Variants in TRPM1 observed in about 807,000 individuals in gnomAD.
TRPM1 encodes the protein transient receptor potential cation channel subfamily M member 1, also known as TRPM1-203 APA Isoform, Intron 10.
A neutral mutation model predicts 149.4 loss-of-function variants in TRPM1; 113 were observed. The ratio of observed to expected loss-of-function variants is 0.76; its 90% CI spans 0.65 to 0.88. The LOEUF is 0.88. Among genes scored for constraint, TRPM1 ranks in the 40% least tolerant of loss-of-function variants. TRPM1 has a pLI of 0.00. For missense variants in TRPM1, 1,976 were observed against 2,038.7 expected (o/e 0.97, Z 0.59); for synonymous variants, 741 against 759.5 (o/e 0.98, Z 0.40).
chr15:31,053,073 A>G (rs1240429936), intron 11 of TRPM1, among the ~76,000 whole-genome samples: 1 of 152,202 alleles, frequency 6.6e-6, no homozygotes, highest in Non-Finnish European at 1.5e-5. Context: ...TTCAACAACA[A>G]GAAAACCCAA....
intron 21 of TRPM1, among the ~76,000 whole-genome samples, chr15:31,034,021 G>T (rs1320417151): frequency 2.0e-5 from 3 of 152,170 alleles, no homozygotes; most frequent in African/African-American, 7.2e-5. Flanking sequence ...CAGTGAAAGG[G>T]TCAACAATTA....
intron 27 of TRPM1, among the ~76,000 whole-genome samples, chr15:31,010,321 A>G (rs2140876196): frequency 6.6e-6 from 1 of 152,304 alleles, no homozygotes; most frequent in East Asian, 1.9e-4. Context: ...GCAGCCCAGT[A>G]GTCAGTCTGG....
At chr15:31,045,876 A>T (rs562003199) in intron 16 of TRPM1, among the ~76,000 whole-genome samples, 1 of 152,260 alleles carries the variant, frequency 6.6e-6, no homozygotes, top group South Asian at 2.1e-4. Context: ...TTGATTTAGG[A>T]CTATGAAAAT....
chr15:31,066,779 T>G (rs181126206), intron 6 of TRPM1, among the ~76,000 whole-genome samples: 109 of 152,168 alleles, frequency 7.2e-4, no homozygotes, highest in African/African-American at 2.5e-3. Flanking sequence ...TTTCCAGGGG[T>G]TAAGGAAGAG....
At position 31,076,309 on chromosome 15, in the gene TRPM1, A is replaced by C. The variant is rs138057618; in HGVS notation, c.83+596T>G. Among the ~76,000 whole-genome samples the C allele has an allele frequency of 2.6e-4, 39 of 152,266 alleles. No homozygotes were observed. The East Asian group carries it at 7.3e-3, about 29-fold the overall frequency. On this transcript the variant is annotated intron_variant, in intron 3 of 27. Transcript: ENST00000256552. Reference sequence around the variant, plus strand: ...CCTGCATGAATTTCATATTGGACGAATGTATGGATAAATTGTTCCCCTTCC... The same window carrying C: ...CCTGCATGAATTTCATATTGGACGACTGTATGGATAAATTGTTCCCCTTCC...
Position 31,026,227 on chromosome 15 carries a change from C to G in TRPM1, c.3541G>C (p.Glu1181Gln). The change falls in exon 27 of 28, where the codon GAG (glutamate) becomes CAG (glutamine). Residue 1181 changes from glutamate to glutamine, a missense_variant. Around this residue, in one of 3 missense-constraint regions of TRPM1, gnomAD observed 572 missense variants for 578.9 expected, o/e 0.99. Transcript: ENST00000256552. The stretch of plus-strand genomic sequence containing the variant: ...AAGTGCTCCTGCACGCACTGCTCCT[C>G]GAACTCATGCAGCCTCTTTAGCTCC... ...DEELKRLHEF[E>Q]EQCVQEHFRE... The G allele has an allele frequency of 1.2e-6, 2 of 1,612,426 alleles. No individual in the cohort carries two copies. The highest frequency in any genetic ancestry group is 1.7e-6 in the Non-Finnish European group (2 of 1,180,030).
At chr15:31,148,929 C>G (rs1408816266) in intron 1 of TRPM1, among the ~76,000 whole-genome samples, 1 of 152,182 alleles carries the variant, frequency 6.6e-6, no homozygotes, top group Non-Finnish European at 1.5e-5. Flanking sequence ...CCTCCCCTCC[C>G]CGCAGTCCTG....
At chr15:31,098,738 G>A (rs2035448414) in intron 1 of TRPM1, among the ~76,000 whole-genome samples, 2 of 152,076 alleles carry the variant, frequency 1.3e-5, no homozygotes, top group Non-Finnish European at 2.9e-5. Context: ...GGCATTTCAG[G>A]CATTACCCAC....
intron 17 of TRPM1, among the ~76,000 whole-genome samples, chr15:31,041,721 G>T (rs1327921510): frequency 6.6e-6 from 1 of 152,182 alleles, no homozygotes; most frequent in African/African-American, 2.4e-5. Flanking sequence ...GAAAAAAATT[G>T]TGTTTCAATT....
intron 3 of TRPM1, among the ~76,000 whole-genome samples, chr15:31,073,597 T>C (rs1354481888): frequency 6.6e-6 from 1 of 152,136 alleles, no homozygotes; most frequent in Non-Finnish European, 1.5e-5. Context: ...TTCTAATATT[T>C]TTTGGTGGAT....
intron 22 of TRPM1, 154 bp from the exon 23 acceptor site, chr15:31,031,311 G>GAAA: frequency 7.6e-6 from 6 of 785,126 alleles, no homozygotes; most frequent in Non-Finnish European, 1.3e-5. Flanking sequence ...TCCCTGGGAA[G>GAAA]GCTTTTTCCT....
intron 1 of TRPM1, among the ~76,000 whole-genome samples, chr15:31,131,700 G>T (rs2036017853): frequency 6.6e-6 from 1 of 152,136 alleles, no homozygotes; most frequent in Non-Finnish European, 1.5e-5. Context: ...GTCAGAGAGG[G>T]GTCCGGGGAG....
At chr15:31,023,542 A>G (rs2140894608) in intron 27 of TRPM1, among the ~76,000 whole-genome samples, 1 of 152,350 alleles carries the variant, frequency 6.6e-6, no homozygotes, top group South Asian at 2.1e-4. Flanking sequence ...ATGGAAGTGG[A>G]AAATGATGGA....
chr15:31,002,745 C>T lies in TRPM1; in HGVS notation c.3955G>A (p.Val1319Ile). Residue 1319 changes from valine to isoleucine, a missense_variant, in exon 28 of 28, where the codon GTC becomes ATC. Around this residue, in one of 3 missense-constraint regions of TRPM1, gnomAD observed 572 missense variants for 578.9 expected, o/e 0.99. Transcript: ENST00000256552. ...CGGAAGGAACAGGTTTTTTTCCTGA[C>T]TCCTGTCCCTGGTGACGTGGAGAGA... ...TSLSTSPGTGVRKKTCSFRIK... is the reference protein window; with the variant it reads ...TSLSTSPGTGIRKKTCSFRIK... 2 of 1,614,180 alleles carry T rather than the reference C, an allele frequency of 1.2e-6. No individual in the cohort carries two copies. The highest frequency in any genetic ancestry group is 8.5e-7 in the Non-Finnish European group (1 of 1,180,026).
At chr15:31,105,240 G>A (rs1261235409), upstream of TRPM1, among the ~76,000 whole-genome samples, 1 of 152,216 alleles carries the variant, frequency 6.6e-6, no homozygotes, top group Non-Finnish European at 1.5e-5. Context: ...ATCTCTGAGA[G>A]CCTCTTTGCT....
At chr15:31,136,930 TGAAA>T (rs2036097091) in intron 1 of TRPM1, among the ~76,000 whole-genome samples, 1 of 152,112 alleles carries the variant, frequency 6.6e-6, no homozygotes, top group South Asian at 2.1e-4. Context: ...GGAAGGAACC[TGAAA>T]GAGAGAGATC....
At chr15:31,076,802 C>A (rs1596044530) in intron 3 of TRPM1, 103 bp downstream of exon 3, 1 of 911,502 alleles carries the variant, frequency 1.1e-6, no homozygotes, top group East Asian at 2.4e-5. Context: ...GGAATGGATT[C>A]TGGCCACCCT....
chr15:31,061,841 T>C (rs1035506957), intron 9 of TRPM1, among the ~76,000 whole-genome samples: 2 of 152,080 alleles, frequency 1.3e-5, no homozygotes, highest in Admixed American at 6.5e-5. Flanking sequence ...CACGCCACCA[T>C]GCCTGGCTAA....
At chr15:31,104,586 C>CTTTTT (rs928062797), upstream of TRPM1, among the ~76,000 whole-genome samples, 28 of 87,478 alleles carry the variant, frequency 3.2e-4, no homozygotes, top group Non-Finnish European at 4.3e-4. Context: ...GGTGATCTTC[C>CTTTTT]TTTTTTTTTT....
Sources: gnomAD v4.1 joint callset for allele counts (sites outside exome capture counted in the v4.1 genomes callset) on GRCh38, gnomAD v4.1.1 for gene constraint, gnomAD v4.1.1 regional missense constraint, MANE v1.5 for transcripts, NCBI Gene and HGNC (gene_info 2026-07-23, HGNC 2026-07-21) for gene names.